The following PCP4L1 variants were observed in gnomAD, a reference collection of about 807,000 sequenced individuals.
PCP4L1 encodes the protein Purkinje cell protein 4 like 1, also known as Purkinje cell protein 4-like protein 1.
Under a neutral mutation model 9.6 loss-of-function variants are expected in PCP4L1, and 9 were observed. The ratio of observed to expected loss-of-function variants is 0.94; its 90% CI spans 0.57 to 1.64. The LOEUF is 1.64. Ranked by LOEUF, PCP4L1 falls within the 40% of genes most tolerant of loss-of-function variation. The probability of loss-of-function intolerance (pLI) is 0.00; values close to 1 mark genes in which losing one functional copy is unlikely to be tolerated. For synonymous variants in PCP4L1, 31 were observed against 28.2 expected (o/e 1.10, Z -0.31); for missense variants, 81 against 80.8 (o/e 1.00, Z -0.01).
chr1:161,269,804 G>A (rs1249816404), intron 1 of PCP4L1, among the ~76,000 whole-genome samples: 1 of 152,140 alleles, frequency 6.6e-6, no homozygotes, highest in Non-Finnish European at 1.5e-5. Flanking sequence ...TTTGAGACCA[G>A]CCTGGGCAAC....
rs571661268 is a variant in PCP4L1, at chr1:161,259,714, G to A, written c.9+731G>A. Among the ~76,000 whole-genome samples the A allele has an allele frequency of 1.4e-4, 22 of 152,334 alleles. No homozygotes were observed. The South Asian group carries it at 3.9e-3, about 27-fold the overall frequency. On this transcript the variant is annotated intron_variant, in intron 1 of 2. Coordinates refer to ENST00000504449, the MANE Select transcript of PCP4L1 (RefSeq NM_001102566.2). The stretch of plus-strand genomic sequence containing the variant: ...GGGGTCAAAGCAGAGACTTTGGAAA[G>A]ACGTCTCCTATTGTCTATTTGTAGG...
At chr1:161,278,455 G>T (rs1669739150) in intron 1 of PCP4L1, among the ~76,000 whole-genome samples, 1 of 148,542 alleles carries the variant, frequency 6.7e-6, no homozygotes, top group Non-Finnish European at 1.5e-5. Flanking sequence ...TTTCTTTCGA[G>T]ATGGGGTCTC....
chr1:161,264,620 G>A (rs1319284559), intron 1 of PCP4L1, among the ~76,000 whole-genome samples: 1 of 152,192 alleles, frequency 6.6e-6, no homozygotes, highest in Non-Finnish European at 1.5e-5. Context: ...CTTGAGCTCA[G>A]GAGTTTGAGA....
intron 1 of PCP4L1, among the ~76,000 whole-genome samples, chr1:161,276,243 G>C (rs1669696445): frequency 1.3e-5 from 2 of 152,144 alleles, no homozygotes; most frequent in South Asian, 4.1e-4. Context: ...TATGGGGAGA[G>C]AAAGAGTAAC....
intron 2 of PCP4L1, 110 bp from the exon 3 acceptor site, chr1:161,284,228 AC>A: frequency 2.8e-6 from 4 of 1,439,382 alleles, no homozygotes; most frequent in Non-Finnish European, 3.8e-6. Context: ...AAATTTGGGG[AC>A]CCCACAGAGT....
At chr1:161,263,006 A>G (rs1669446051) in intron 1 of PCP4L1, among the ~76,000 whole-genome samples, 1 of 152,232 alleles carries the variant, frequency 6.6e-6, no homozygotes, top group Admixed American at 6.5e-5. Context: ...TAAAATATCA[A>G]AACATTTTAG....
chr1:161,271,651 G>A (rs1669627209), intron 1 of PCP4L1, among the ~76,000 whole-genome samples: 1 of 150,902 alleles, frequency 6.6e-6, no homozygotes, highest in Non-Finnish European at 1.5e-5. Context: ...CTACAGGCAC[G>A]TGCCATGACG....
intron 1 of PCP4L1, among the ~76,000 whole-genome samples, chr1:161,272,475 T>C: frequency 6.6e-6 from 1 of 151,298 alleles, no homozygotes; most frequent in African/African-American, 2.4e-5. Context: ...GGAGAATTGC[T>C]TGAACCCTGG....
chr1:161,280,496 A>G (rs1319123193), intron 1 of PCP4L1, among the ~76,000 whole-genome samples: 3 of 152,208 alleles, frequency 2.0e-5, no homozygotes, highest in Non-Finnish European at 4.4e-5. Context: ...GCCAAAAGTT[A>G]TGCCCCCATT....
intron 1 of PCP4L1, among the ~76,000 whole-genome samples, chr1:161,263,099 C>G (rs1248582045): frequency 6.6e-6 from 1 of 152,162 alleles, no homozygotes; most frequent in African/African-American, 2.4e-5. Flanking sequence ...AACTGGGGCC[C>G]AAAACTTATC....
At position 161,262,453 on chromosome 1, in the gene PCP4L1, A is replaced by AG. The variant is rs1324222300; in HGVS notation, c.9+3470_9+3471insG. ...CATCTCAAAAAAAAAAAAAAAAAAA[A>AG]AAAGAAATGCCTTCTACCTCTGGAA... On this transcript the variant is annotated intron_variant, in intron 1 of 2. Coordinates refer to ENST00000504449, the MANE Select transcript of PCP4L1 (RefSeq NM_001102566.2). Among the ~76,000 whole-genome samples, 643 of 148,626 alleles carry AG rather than the reference A, an allele frequency of 4.3e-3. 6 individuals are homozygous for AG. The highest frequency in any genetic ancestry group is 0.015 in the African/African-American group (586 of 38,484).
intron 1 of PCP4L1, among the ~76,000 whole-genome samples, chr1:161,280,791 T>G (rs1311324577): frequency 1.3e-5 from 2 of 152,254 alleles, no homozygotes; most frequent in South Asian, 2.1e-4. Context: ...CTACCTGGCT[T>G]CTTCTCCATC....
At chr1:161,268,272 A>G (rs1221874716) in intron 1 of PCP4L1, among the ~76,000 whole-genome samples, 3 of 152,130 alleles carry the variant, frequency 2.0e-5, no homozygotes, top group East Asian at 3.9e-4. Context: ...GGGAAAAAAA[A>G]AAGTATTTAT....
chr1:161,280,186 G>C (rs1669771019), intron 1 of PCP4L1, among the ~76,000 whole-genome samples: 1 of 151,976 alleles, frequency 6.6e-6, no homozygotes, highest in Non-Finnish European at 1.5e-5. Context: ...TGATGACCTT[G>C]TTACATATTT....
rs545082743 is a variant in PCP4L1, at chr1:161,263,858, A to G, written c.9+4875A>G. 3.4e-5 allele frequency among the ~76,000 whole-genome samples: 5 copies of G among 148,282 alleles called. No homozygotes were observed. The South Asian group carries it at 8.6e-4, about 25-fold the overall frequency. Reference sequence around the variant, plus strand: ...CTCAGCCTCCCAAAGAGCTGGGATTACAGGCATGAGCTACCATGCTTGGCC... The same window carrying G: ...CTCAGCCTCCCAAAGAGCTGGGATTGCAGGCATGAGCTACCATGCTTGGCC... On this transcript the variant is annotated intron_variant, in intron 1 of 2. Coordinates refer to ENST00000504449, the MANE Select transcript of PCP4L1 (RefSeq NM_001102566.2).
At chr1:161,266,388 C>G (rs1669531554) in intron 1 of PCP4L1, among the ~76,000 whole-genome samples, 1 of 152,190 alleles carries the variant, frequency 6.6e-6, no homozygotes, top group African/African-American at 2.4e-5. Flanking sequence ...CTCCCCCATT[C>G]CCTAAACCTC....
At chr1:161,269,258 AG>A (rs546123246) in intron 1 of PCP4L1, among the ~76,000 whole-genome samples, 2 of 151,500 alleles carry the variant, frequency 1.3e-5, no homozygotes, top group Non-Finnish European at 2.9e-5. Flanking sequence ...AGGGTGGGGA[AG>A]GGGGGGTAAG....
chr1:161,284,360 A>AGGC lies in PCP4L1; in HGVS notation c.89_91dup (p.Ala30dup). On this transcript the variant is annotated inframe_insertion, in exon 3 of 3. Coordinates refer to ENST00000504449, the MANE Select transcript of PCP4L1 (RefSeq NM_001102566.2). ...GCAGGAAAAGCTGGCAATGTCAAGA[A>AGGC]GGCGGAGGAGGAGGAGGAGATTGAC... The AGGC allele has an allele frequency of 6.2e-7, 1 of 1,614,026 alleles. No homozygotes were observed. Among genetic ancestry groups the AGGC allele is most frequent in the Non-Finnish European group, 8.5e-7 (1 of 1,179,890 alleles).
chr1:161,261,368 C>G (rs564399343), intron 1 of PCP4L1, among the ~76,000 whole-genome samples: 5 of 152,284 alleles, frequency 3.3e-5, no homozygotes, highest in South Asian at 2.1e-4. Context: ...CTTTGTGGCT[C>G]TTTGCTGTCA....
Sources: gnomAD v4.1 joint callset for allele counts (sites outside exome capture counted in the v4.1 genomes callset) on GRCh38, gnomAD v4.1.1 for gene constraint, MANE v1.5 for transcripts, NCBI Gene and HGNC (gene_info 2026-07-23, HGNC 2026-07-21) for gene names.